Variants in PRR16 observed in about 807,000 individuals in gnomAD.
The protein encoded by PRR16 is proline rich 16.
PRR16 carries 6 observed loss-of-function variants against 18.2 expected under a neutral mutation model. That is an observed-to-expected ratio of 0.33 (90% CI 0.18 to 0.65). The LOEUF (loss-of-function observed/expected upper bound fraction) is 0.65, where lower values mean the gene tolerates loss of function less well. Ranked by LOEUF, PRR16 falls within the 30% of genes least tolerant of loss-of-function variation. The pLI, the probability that PRR16 is intolerant of heterozygous loss-of-function variation, is 0.74. For synonymous variants in PRR16, 151 were observed against 147.8 expected (o/e 1.02, Z -0.16); for missense variants, 412 against 376.6 (o/e 1.09, Z -0.78).
intron 1 of PRR16, among the ~76,000 whole-genome samples, chr5:120,645,580 ATATAAG>A (rs1201171692): frequency 6.6e-6 from 1 of 152,116 alleles, no homozygotes. Flanking sequence ...GTAATGTGAT[ATATAAG>A]TATGATATTT....
intron 1 of PRR16, among the ~76,000 whole-genome samples, chr5:120,638,302 C>G (rs1054788668): frequency 2.0e-4 from 30 of 152,082 alleles, no homozygotes; most frequent in African/African-American, 7.2e-4. Flanking sequence ...GAAATGGCAT[C>G]ACAGGTTATT....
At chr5:120,531,631 G>T (rs1268097841) in intron 1 of PRR16, 1 of 151,952 alleles carries the variant, frequency 6.6e-6, no homozygotes, top group Non-Finnish European at 1.5e-5. Context: ...CTTCCTGTTT[G>T]TATCTTCATT....
intron 1 of PRR16, among the ~76,000 whole-genome samples, chr5:120,549,148 T>C (rs1299998338): frequency 6.6e-6 from 1 of 152,028 alleles, no homozygotes; most frequent in East Asian, 1.9e-4. Flanking sequence ...CAGGCTGTAG[T>C]GTGATGGGGT....
chr5:120,522,890 A>C (rs2112655074), intron 1 of PRR16, among the ~76,000 whole-genome samples: 1 of 152,270 alleles, frequency 6.6e-6, no homozygotes, highest in East Asian at 1.9e-4. Context: ...TGCTGGGATT[A>C]CGGGCATGAG....
chr5:120,484,544 T>C (rs1749728284), intron 1 of PRR16, among the ~76,000 whole-genome samples: 1 of 145,964 alleles, frequency 6.9e-6, no homozygotes, highest in African/African-American at 2.5e-5. Flanking sequence ...ATATGTCATA[T>C]ATAATTATAT....
intron 1 of PRR16, among the ~76,000 whole-genome samples, chr5:120,563,143 A>G (rs535204751): frequency 1.3e-5 from 2 of 152,242 alleles, no homozygotes; most frequent in East Asian, 3.9e-4. Flanking sequence ...TATTTTTGCC[A>G]GCTATATTAT....
At chr5:120,548,355 A>G (rs1229367305) in intron 1 of PRR16, among the ~76,000 whole-genome samples, 3 of 152,102 alleles carry the variant, frequency 2.0e-5, no homozygotes, top group East Asian at 1.9e-4. Context: ...CTACACTTAT[A>G]CAAGTCTCTC....
intron 1 of PRR16, among the ~76,000 whole-genome samples, chr5:120,484,080 C>T (rs1048825052): frequency 6.6e-6 from 1 of 151,718 alleles, no homozygotes; most frequent in Non-Finnish European, 1.5e-5. Context: ...ACAGGAAAAA[C>T]CCAGGATGAC....
At chr5:120,784,644 A>G in the PRR16 span, among the ~76,000 whole-genome samples, 1 of 152,192 alleles carries the variant, frequency 6.6e-6, no homozygotes, top group East Asian at 1.9e-4. Context: ...CGGAGTAGAC[A>G]TTTCTCAAAG....
At chr5:120,735,128 T>G in the PRR16 span, among the ~76,000 whole-genome samples, 1 of 152,226 alleles carries the variant, frequency 6.6e-6, no homozygotes, top group African/African-American at 2.4e-5. Flanking sequence ...CTTTTGTGAT[T>G]GGCTTATTTC....
intron 1 of PRR16, among the ~76,000 whole-genome samples, chr5:120,608,946 G>T (rs1754244323): frequency 6.6e-6 from 1 of 152,088 alleles, no homozygotes; most frequent in Non-Finnish European, 1.5e-5. Context: ...CCCAAAGAGG[G>T]TTTCTCCTGA....
At chr5:120,685,063 A>G (rs2150156320) in intron 1 of PRR16, among the ~76,000 whole-genome samples, 1 of 152,334 alleles carries the variant, frequency 6.6e-6, no homozygotes, top group Non-Finnish European at 1.5e-5. Flanking sequence ...AAGGCGAGAC[A>G]GCTTTTGCTT....
rs184428456 is a variant in PRR16, at chr5:120,677,406, C to T, written c.160-8548C>T. ...CCTGTGTTGGACACAGTTCTTTTAC[C>T]GACCAGCATTTGGACTCAGCTACTG... On this transcript the variant is annotated intron_variant, in intron 1 of 1. Transcript: ENST00000407149. Among the ~76,000 whole-genome samples the T allele has an allele frequency of 2.6e-5, 4 of 152,202 alleles. No individual in the cohort carries two copies. In the East Asian group the frequency reaches 7.7e-4, roughly 29 times the overall value.
intron 1 of PRR16, among the ~76,000 whole-genome samples, chr5:120,661,840 G>A (rs71586491): frequency 0.037 from 5,606 of 152,130 alleles, 156 homozygotes; most frequent in Non-Finnish European, 0.055. Flanking sequence ...CACATTTCAA[G>A]GACTCGTAGT....
chr5:120,787,936 T>G, the PRR16 span, among the ~76,000 whole-genome samples: 1 of 152,000 alleles, frequency 6.6e-6, no homozygotes, highest in Non-Finnish European at 1.5e-5. Flanking sequence ...TCTTTATAAT[T>G]TTATGCTATG....
the PRR16 span, among the ~76,000 whole-genome samples, chr5:120,695,960 C>A: frequency 2.0e-5 from 3 of 151,334 alleles, no homozygotes; most frequent in Admixed American, 1.3e-4. Flanking sequence ...TATATAAAAC[C>A]GGCCATGCAC....
At chr5:120,483,973 A>T (rs1308319742) in intron 1 of PRR16, among the ~76,000 whole-genome samples, 1 of 152,054 alleles carries the variant, frequency 6.6e-6, no homozygotes, top group African/African-American at 2.4e-5. Flanking sequence ...TTCAGCCTAT[A>T]GTAGATTGTA....
rs533743328 is a variant in PRR16, at chr5:120,471,632, A to G, written c.159+6987A>G. Among the ~76,000 whole-genome samples, 15 of 152,216 alleles carry G rather than the reference A, an allele frequency of 9.9e-5. 1 individual carries two copies. The South Asian group carries it at 2.9e-3, about 29-fold the overall frequency. ...ATAAACCACCTCCTCTCTCCCACAT[A>G]TAAGGGTTATAAGAAATGGCCTTAT... On this transcript the variant is annotated intron_variant, in intron 1 of 1. Coordinates refer to ENST00000407149, the MANE Select transcript of PRR16 (RefSeq NM_001300783.2).
At chr5:120,562,358 T>C (rs752132797) in intron 1 of PRR16, among the ~76,000 whole-genome samples, 3 of 152,144 alleles carry the variant, frequency 2.0e-5, no homozygotes, top group African/African-American at 7.2e-5. Context: ...TTATTTTCAG[T>C]CCATGTGTAT....
Sources: gnomAD v4.1 joint callset for allele counts (sites outside exome capture counted in the v4.1 genomes callset) on GRCh38, gnomAD v4.1.1 for gene constraint, MANE v1.5 for transcripts, NCBI Gene and HGNC (gene_info 2026-07-23, HGNC 2026-07-21) for gene names.